Variants in NBEA observed in about 807,000 individuals in gnomAD.
The protein encoded by NBEA is neurobeachin, also known as lysosomal-trafficking regulator 2.
In NBEA, 44 loss-of-function variants were observed where a neutral mutation model predicts 343.4. The ratio of observed to expected loss-of-function variants is 0.13; its 90% CI spans 0.10 to 0.16. NBEA has a LOEUF of 0.16. Among genes scored for constraint, NBEA ranks in the 10% least tolerant of loss-of-function variants. NBEA has a pLI of 1.00. For synonymous variants in NBEA, 1,175 were observed against 1,238.7 expected (o/e 0.95, Z 1.08); for missense variants, 2,555 against 3,631.3 (o/e 0.70, Z 7.62).
At chr13:35,032,967 T>G (rs2062294506) in intron 1 of NBEA, among the ~76,000 whole-genome samples, 1 of 151,964 alleles carries the variant, frequency 6.6e-6, no homozygotes, top group Non-Finnish European at 1.5e-5. Flanking sequence ...CTCTTCACTT[T>G]GTTGATTGTT....
In NBEA at chr13:35,075,056, T is replaced by C. The variant is rs1484883940; in HGVS notation, c.1571+4204T>C. Among the ~76,000 whole-genome samples the C allele has an allele frequency of 2.0e-5, 3 of 152,130 alleles. No individual in the cohort carries two copies. The East Asian group carries it at 5.8e-4, about 29-fold the overall frequency. Reference sequence around the variant, plus strand: ...CCAGTCATGTATTTTAGTGTAATTATTTGCTGATGAAGAAGAGAAAAATTG... The same window carrying C: ...CCAGTCATGTATTTTAGTGTAATTACTTGCTGATGAAGAAGAGAAAAATTG... On this transcript the variant is annotated intron_variant, in intron 10 of 58. Transcript: ENST00000379939.
At chr13:35,106,989 A>ATTCT (rs2065950462) in intron 11 of NBEA, among the ~76,000 whole-genome samples, 1 of 151,880 alleles carries the variant, frequency 6.6e-6, no homozygotes. Context: ...TTTATCTAGT[A>ATTCT]ACAGGATCTG....
chr13:35,215,076 G>A lies in NBEA; in HGVS notation c.5648+3897G>A, dbSNP rs1239457980. ...CTTTATATTAAGTTTTGAAAGAGAT[G>A]ATGTAATGTAAGTCCTGTAACTATT... On this transcript the variant is annotated intron_variant, in intron 33 of 58. Transcript: ENST00000379939. Among the ~76,000 whole-genome samples the A allele has an allele frequency of 2.6e-5, 4 of 151,478 alleles. No individual in the cohort carries two copies. In the East Asian group the frequency reaches 7.7e-4, roughly 29 times the overall value.
intron 1 of NBEA, among the ~76,000 whole-genome samples, chr13:34,985,753 G>A (rs898177344): frequency 2.0e-5 from 3 of 150,516 alleles, no homozygotes; most frequent in Non-Finnish European, 4.5e-5. Flanking sequence ...CACCTTCCTG[G>A]TTTAGTCTTG....
At chr13:35,185,021 G>A (rs919438255) in intron 30 of NBEA, among the ~76,000 whole-genome samples, 14 of 152,124 alleles carry the variant, frequency 9.2e-5, no homozygotes, top group African/African-American at 3.4e-4. Context: ...AATCGCATGA[G>A]CTCTGTAAAA....
intron 39 of NBEA, among the ~76,000 whole-genome samples, chr13:35,447,833 CAAAT>C (rs1370311653): frequency 6.6e-6 from 1 of 152,136 alleles, no homozygotes; most frequent in Admixed American, 6.5e-5. Flanking sequence ...TAGATGATCT[CAAAT>C]AAATTCTCTT....
chr13:35,094,950 T>TA (rs1354655318), intron 10 of NBEA, among the ~76,000 whole-genome samples: 2 of 151,878 alleles, frequency 1.3e-5, no homozygotes, highest in Non-Finnish European at 2.9e-5. Context: ...CTTTACTTTT[T>TA]ATGTAAGGTA....
intron 1 of NBEA, among the ~76,000 whole-genome samples, chr13:35,015,086 T>C (rs73487652): frequency 0.014 from 2,061 of 143,834 alleles, 54 homozygotes; most frequent in African/African-American, 0.046. Flanking sequence ...ATCGTGCTCT[T>C]GCCTTGCCGC....
At chr13:35,439,491 C>G (rs1012984350) in intron 39 of NBEA, among the ~76,000 whole-genome samples, 5 of 152,140 alleles carry the variant, frequency 3.3e-5, no homozygotes, top group African/African-American at 1.2e-4. Context: ...ATAAACGACC[C>G]TTACTCCTTT....
At position 35,645,894 on chromosome 13, in the gene NBEA, AC is replaced by A; in HGVS notation, c.7648del (p.His2550ThrfsTer59). 3 of 1,577,568 alleles carry A rather than the reference AC, an allele frequency of 1.9e-6. No homozygotes were observed. Among genetic ancestry groups the A allele is most frequent in the Non-Finnish European group, 1.7e-6 (2 of 1,158,126 alleles). ...ATTCCAGAAGCTTATTTCATTAGAG[AC>A]CCCCACACTTTCCTTCTTACAAAGG... Reference protein sequence around the residue: ...REIPEAYFIRDPHTFLLTKDF... With the variant: ...REIPEAYFIRXPHTFLLTKDF... On this transcript the variant is annotated frameshift_variant, in exon 50 of 59. Transcript: ENST00000379939. LOFTEE classifies it high-confidence loss of function.
chr13:35,203,453 T>C (rs2073157656), intron 31 of NBEA, among the ~76,000 whole-genome samples: 1 of 152,196 alleles, frequency 6.6e-6, no homozygotes, highest in Non-Finnish European at 1.5e-5. Flanking sequence ...TTCTTATCTA[T>C]GCTTTATTTT....
At chr13:35,475,283 G>A in intron 41 of NBEA, 1 of 1,614,126 alleles carries the variant, frequency 6.2e-7, no homozygotes, top group Non-Finnish European at 8.5e-7. Context: ...GACTCTCGGG[G>A]ATGCTTTTCA....
intron 1 of NBEA, among the ~76,000 whole-genome samples, chr13:34,963,973 C>T (rs1200907389): frequency 6.6e-6 from 1 of 151,820 alleles, no homozygotes; most frequent in Non-Finnish European, 1.5e-5. Flanking sequence ...TACCCTATGA[C>T]TTTGGTAGTT....
chr13:35,490,519 A>G (rs1161906896), intron 41 of NBEA, among the ~76,000 whole-genome samples: 2 of 151,928 alleles, frequency 1.3e-5, no homozygotes, highest in African/African-American at 2.4e-5. Context: ...TCTTAATTGT[A>G]TACCCTGACG....
intron 33 of NBEA, among the ~76,000 whole-genome samples, chr13:35,232,175 G>C (rs139805078): frequency 1.3e-3 from 202 of 152,208 alleles, no homozygotes; most frequent in African/African-American, 4.8e-3. Context: ...TTCTTTGATG[G>C]ATAGATACAT....
chr13:35,052,503 A>C (rs2063099834), intron 6 of NBEA, among the ~76,000 whole-genome samples: 1 of 151,764 alleles, frequency 6.6e-6, no homozygotes, highest in South Asian at 2.1e-4. Context: ...GGATCTTTTT[A>C]TTCCTTATTA....
At chr13:35,106,762 C>T (rs2065937472) in intron 11 of NBEA, among the ~76,000 whole-genome samples, 2 of 151,480 alleles carry the variant, frequency 1.3e-5, no homozygotes, top group Admixed American at 6.6e-5. Flanking sequence ...ACAATGGCCC[C>T]CTCCGCCTTT....
chr13:35,162,040 G>T, intron 23 of NBEA, 73 bp downstream of exon 23: 1 of 1,280,172 alleles, frequency 7.8e-7, no homozygotes, highest in East Asian at 2.5e-5. Flanking sequence ...ATTTGGTTTT[G>T]ACAAAACCAA....
chr13:35,602,082 A>G (rs892285138), intron 47 of NBEA, among the ~76,000 whole-genome samples: 50 of 152,204 alleles, frequency 3.3e-4, no homozygotes, highest in African/African-American at 1.2e-3. Context: ...CTGCTGGTTT[A>G]AAACAGAATG....
Sources: allele counts gnomAD v4.1 joint callset (sites outside exome capture counted in the v4.1 genomes callset), GRCh38; gene constraint gnomAD v4.1.1; transcripts MANE v1.5; gene names NCBI Gene and HGNC (gene_info 2026-07-23, HGNC 2026-07-21).